Variants in SCCPDH observed in about 807,000 individuals in gnomAD.
SCCPDH encodes saccharopine dehydrogenase (putative).
SCCPDH carries 34 observed loss-of-function variants against 51.5 expected under a neutral mutation model. The ratio of observed to expected loss-of-function variants is 0.66; its 90% CI spans 0.50 to 0.88. The LOEUF is 0.88. SCCPDH is among the 40% of genes least tolerant of loss of function. SCCPDH has a pLI of 0.00. For synonymous variants in SCCPDH, 187 were observed against 191.3 expected, an observed-to-expected ratio of 0.98 and a Z score of 0.19; for missense variants, 464 against 527.1, an observed-to-expected ratio of 0.88 and a Z score of 1.17.
At chr1:246,756,000 G>A (rs1367632407) in intron 5 of SCCPDH, among the ~76,000 whole-genome samples, 1 of 152,160 alleles carries the variant, frequency 6.6e-6, no homozygotes, top group East Asian at 1.9e-4. Flanking sequence ...AAGTTTAGAT[G>A]GATTGTGGAT....
chr1:246,739,522 G>T (rs919469150), intron 3 of SCCPDH, among the ~76,000 whole-genome samples: 2 of 152,208 alleles, frequency 1.3e-5, no homozygotes, highest in East Asian at 1.9e-4. Flanking sequence ...CAGAAAAAGG[G>T]GTTCAGTTAA....
chr1:246,736,286 T>C (rs1316627250), intron 3 of SCCPDH, among the ~76,000 whole-genome samples: 1 of 152,238 alleles, frequency 6.6e-6, no homozygotes, highest in African/African-American at 2.4e-5. Flanking sequence ...TCATTTCTTA[T>C]AGGTCTGTGC....
chr1:246,726,949 C>G lies in SCCPDH; in HGVS notation c.248C>G (p.Ala83Gly), dbSNP rs754218946. 7 of 1,614,162 alleles carry G rather than the reference C, an allele frequency of 4.3e-6. No individual in the cohort carries two copies. In the East Asian group the frequency reaches 1.6e-4, roughly 36 times the overall value. Residue 83 changes from alanine (A) to glycine (G), a missense_variant, in exon 2 of 12, where the codon GCC becomes GGC. Physicochemically the swap from Ala to Gly is moderately conservative, Grantham distance 60. Coordinates refer to ENST00000366510, the MANE Select transcript of SCCPDH (RefSeq NM_016002.3). Reference sequence around the variant, plus strand: ...ATCATCTGTGATATTGCTAATCCAGCCTCGCTTGATGAAATGGCTAAACAG... The same window carrying G: ...ATCATCTGTGATATTGCTAATCCAGGCTCGCTTGATGAAATGGCTAAACAG... ...GIIICDIANP[A>G]SLDEMAKQAT...
At chr1:246,752,955 C>T (rs1279223285) in intron 5 of SCCPDH, among the ~76,000 whole-genome samples, 1 of 151,910 alleles carries the variant, frequency 6.6e-6, no homozygotes, top group East Asian at 1.9e-4. Context: ...CTCCCTTTGC[C>T]TCTTCGTCTG....
chr1:246,726,518 CT>C (rs749686330), intron 1 of SCCPDH, among the ~76,000 whole-genome samples: 1 of 152,088 alleles, frequency 6.6e-6, no homozygotes, highest in Non-Finnish European at 1.5e-5. Flanking sequence ...GCCACTGCCC[CT>C]GGCCAAGAAA....
At chr1:246,738,828 G>A (rs914294975) in intron 3 of SCCPDH, among the ~76,000 whole-genome samples, 2 of 152,140 alleles carry the variant, frequency 1.3e-5, no homozygotes, top group Non-Finnish European at 1.5e-5. Context: ...ACTCCAGCCC[G>A]GGCAACAGTG....
rs757168603 is a variant in SCCPDH, at chr1:246,758,229, T to G, written c.568T>G (p.Leu190Val). 1 of 1,588,582 alleles carries G rather than the reference T, an allele frequency of 6.3e-7. No homozygotes were observed. The highest frequency in any genetic ancestry group is 2.3e-5 in the East Asian group (1 of 43,950). ...FLTIHSGPEG[L>V]SIHDGTWKSA... ...AACTCTTGAAATATTTTATTAGGGG[T>G]TGAGCATTCATGATGGTACCTGGAA... Residue 190 changes from leucine to valine, a missense_variant, in exon 6 of 12, where the codon TTG becomes GTG. Coordinates refer to ENST00000366510, the MANE Select transcript of SCCPDH (RefSeq NM_016002.3).
intron 10 of SCCPDH, among the ~76,000 whole-genome samples, chr1:246,765,392 G>A (rs751268321): frequency 6.6e-5 from 10 of 152,330 alleles, no homozygotes; most frequent in African/African-American, 1.9e-4. Flanking sequence ...CCTGGCCCAC[G>A]GGGGATTTTA....
intron 4 of SCCPDH, 71 bp downstream of exon 4, chr1:246,740,372 G>A (rs141880170): frequency 2.3e-5 from 31 of 1,330,496 alleles, no homozygotes; most frequent in Non-Finnish European, 2.9e-5. Flanking sequence ...TCTAACTGTG[G>A]TGAACTAAAA....
intron 2 of SCCPDH, among the ~76,000 whole-genome samples, chr1:246,731,888 A>T (rs1173894573): frequency 1.2e-5 from 1 of 81,848 alleles, no homozygotes; most frequent in Non-Finnish European, 2.4e-5. Context: ...GACAGGCCCC[A>T]GTGTATGATG....
In SCCPDH at chr1:246,767,605, GTGT is replaced by G. The variant is rs2102992506; in HGVS notation, c.*308_*310del. ...AATGGGGGAGGCGGCGTCCCAGTCT[GTGT>G]TGCAGCAGCATTCTCATCGGGGGTG... On this transcript the variant is annotated 3_prime_UTR_variant, in exon 12 of 12. Coordinates refer to ENST00000366510, the MANE Select transcript of SCCPDH (RefSeq NM_016002.3). The G allele has an allele frequency of 5.7e-6, 1 of 176,302 alleles. No homozygotes were observed. The highest frequency in any genetic ancestry group is 1.6e-4 in the South Asian group (1 of 6,088). The allele number at this position is 176,302 out of a possible 1,614,324, so 10.9% of individuals were successfully genotyped here.
intron 3 of SCCPDH, among the ~76,000 whole-genome samples, chr1:246,738,301 A>G (rs1354570282): frequency 6.6e-6 from 1 of 151,826 alleles, no homozygotes; most frequent in Non-Finnish European, 1.5e-5. Flanking sequence ...TCACGAGGTC[A>G]AGAGATCGAG....
In SCCPDH at chr1:246,740,261, A is replaced by G. The variant is rs1572296623; in HGVS notation, c.474A>G (p.Pro158=). 2.5e-6 allele frequency: 4 copies of G among 1,609,356 alleles called. No homozygotes were observed. Among genetic ancestry groups the G allele is most frequent in the Non-Finnish European group, 3.4e-6 (4 of 1,176,632 alleles). Residue 158 remains proline, a synonymous_variant, in exon 4 of 12, where the codon CCA becomes CCG. Transcript: ENST00000366510. The part of the protein sequence containing the change: ...IIGSSGFDSI[P]ADLGVIYTRN... ...GAAGCAGCGGCTTTGACTCCATTCCAGCAGATCTGGGAGTAATATATACCA... is the reference window on the plus strand; with the variant it reads ...GAAGCAGCGGCTTTGACTCCATTCCGGCAGATCTGGGAGTAATATATACCA...
At chr1:246,726,203 A>G (rs922400864) in intron 1 of SCCPDH, among the ~76,000 whole-genome samples, 5 of 152,138 alleles carry the variant, frequency 3.3e-5, no homozygotes, top group African/African-American at 9.7e-5. Flanking sequence ...TCCATCACCT[A>G]CAATTGGATC....
intron 5 of SCCPDH, among the ~76,000 whole-genome samples, chr1:246,756,420 G>A (rs1668933294): frequency 6.6e-6 from 1 of 152,164 alleles, no homozygotes; most frequent in South Asian, 2.1e-4. Context: ...ATGTACGTTG[G>A]CTTCATAACA....
intron 9 of SCCPDH, among the ~76,000 whole-genome samples, chr1:246,761,596 T>A (rs898693440): frequency 6.6e-6 from 1 of 152,230 alleles, no homozygotes; most frequent in African/African-American, 2.4e-5. Context: ...GCATTCCGCT[T>A]TCTGTCTCTA....
At chr1:246,753,334 C>T (rs558813257) in intron 5 of SCCPDH, among the ~76,000 whole-genome samples, 18 of 152,044 alleles carry the variant, frequency 1.2e-4, no homozygotes, top group African/African-American at 4.3e-4. Context: ...TTTATCTTTC[C>T]AGTTCTCTAT....
At chr1:246,758,675 A>G (rs992223132) in intron 6 of SCCPDH, among the ~76,000 whole-genome samples, 4 of 152,224 alleles carry the variant, frequency 2.6e-5, no homozygotes, top group African/African-American at 9.6e-5. Flanking sequence ...TTCACTATCA[A>G]TATAGAAATT....
chr1:246,730,389 T>C (rs1477951010), intron 2 of SCCPDH, among the ~76,000 whole-genome samples: 2 of 152,244 alleles, frequency 1.3e-5, no homozygotes, highest in Non-Finnish European at 1.5e-5. Context: ...CCACTGCGTC[T>C]TTGTCCTCCC....
Sources: allele counts gnomAD v4.1 joint callset (sites outside exome capture counted in the v4.1 genomes callset), GRCh38; gene constraint gnomAD v4.1.1; transcripts MANE v1.5; gene names NCBI Gene and HGNC (gene_info 2026-07-23, HGNC 2026-07-21).